Variants in PLA2G4A observed in about 807,000 individuals in gnomAD.
The protein encoded by PLA2G4A is cytosolic phospholipase A2.
PLA2G4A carries 40 observed loss-of-function variants against 81.9 expected under a neutral mutation model. The ratio of observed to expected loss-of-function variants is 0.49; its 90% CI spans 0.38 to 0.64. The LOEUF (loss-of-function observed/expected upper bound fraction) is 0.64. Ranked by LOEUF, PLA2G4A falls within the 30% of genes least tolerant of loss-of-function variation. The pLI is 0.00. For missense variants in PLA2G4A, 715 were observed against 905.1 expected (o/e 0.79, Z 2.69); for synonymous variants, 302 against 296.9 (o/e 1.02, Z -0.18).
chr1:186,968,664 T>G (rs928566499), intron 15 of PLA2G4A, among the ~76,000 whole-genome samples: 1 of 151,984 alleles, frequency 6.6e-6, no homozygotes, highest in Non-Finnish European at 1.5e-5. Context: ...ACTTTTAGAT[T>G]ATTGCTATCT....
At chr1:186,939,821 T>A (rs1012207350) in intron 9 of PLA2G4A, among the ~76,000 whole-genome samples, 159 bp from the exon 10 acceptor site, 1 of 152,190 alleles carries the variant, frequency 6.6e-6, no homozygotes, top group African/African-American at 2.4e-5. Flanking sequence ...TAGAGCTTAT[T>A]TTTTGTTGTT....
chr1:186,973,434 C>T (rs1169438319), intron 15 of PLA2G4A, among the ~76,000 whole-genome samples: 3 of 152,088 alleles, frequency 2.0e-5, no homozygotes, highest in African/African-American at 7.2e-5. Flanking sequence ...ATCTCAAAAT[C>T]CTTAATTAAA....
intron 2 of PLA2G4A, among the ~76,000 whole-genome samples, chr1:186,870,146 T>C (rs986371822): frequency 1.3e-5 from 2 of 152,142 alleles, no homozygotes; most frequent in Non-Finnish European, 2.9e-5. Context: ...CTGATTGTGC[T>C]CCTAGAATAC....
At chr1:186,950,974 A>G (rs1244694518) in intron 13 of PLA2G4A, among the ~76,000 whole-genome samples, 2 of 152,212 alleles carry the variant, frequency 1.3e-5, no homozygotes, top group Admixed American at 1.3e-4. Context: ...AAATGAACAG[A>G]TCCAAGATGG....
chr1:186,830,797 C>G (rs113871527), intron 1 of PLA2G4A, among the ~76,000 whole-genome samples: 1 of 151,768 alleles, frequency 6.6e-6, no homozygotes, highest in Non-Finnish European at 1.5e-5. Context: ...AGAAAGCAGT[C>G]ATAAAATCGA....
chr1:186,912,543 A>G (rs1654985005), intron 7 of PLA2G4A, among the ~76,000 whole-genome samples: 1 of 151,928 alleles, frequency 6.6e-6, no homozygotes, highest in Admixed American at 6.6e-5. Flanking sequence ...CTAATGTAGT[A>G]TAGTTGGAAT....
chr1:186,983,296 G>A (rs561381378), intron 17 of PLA2G4A, among the ~76,000 whole-genome samples: 12 of 152,066 alleles, frequency 7.9e-5, no homozygotes, highest in Non-Finnish European at 1.5e-4. Flanking sequence ...CTTTGTAAAC[G>A]GTGGATGGAC....
At chr1:186,919,276 C>G (rs1243906670) in intron 7 of PLA2G4A, among the ~76,000 whole-genome samples, 1 of 152,178 alleles carries the variant, frequency 6.6e-6, no homozygotes, top group Non-Finnish European at 1.5e-5. Context: ...CCTAGGAATT[C>G]CCCTACTTGC....
intron 2 of PLA2G4A, among the ~76,000 whole-genome samples, chr1:186,862,223 C>CTTTTTTTTTTTT (rs66584780): frequency 0.13 from 16,885 of 126,042 alleles, 2,137 homozygotes; most frequent in Non-Finnish European, 0.19. Context: ...TAGTTATGAA[C>CTTTTTTTTTTTT]TTTTTTTTTG....
chr1:186,832,970 T>G (rs891360158), intron 1 of PLA2G4A, among the ~76,000 whole-genome samples: 1 of 152,204 alleles, frequency 6.6e-6, no homozygotes, highest in African/African-American at 2.4e-5. Context: ...AATTATTTTT[T>G]ATTCTCATAG....
At chr1:186,904,732 A>G (rs1300129748) in intron 5 of PLA2G4A, among the ~76,000 whole-genome samples, 2 of 152,236 alleles carry the variant, frequency 1.3e-5, no homozygotes, top group Non-Finnish European at 2.9e-5. Context: ...TGTCTTAGCC[A>G]AGAAATGTTG....
intron 17 of PLA2G4A, among the ~76,000 whole-genome samples, chr1:186,979,943 CTTTTTTTTTTTT>C (rs34029312): frequency 5.1e-5 from 5 of 98,794 alleles, no homozygotes; most frequent in South Asian, 4.0e-4. Context: ...ACAGCATTTC[CTTTTTTTTTTTT>C]TTTTTTTTTT....
chr1:186,841,688 AG>A (rs1651986254), intron 1 of PLA2G4A, among the ~76,000 whole-genome samples: 1 of 152,152 alleles, frequency 6.6e-6, no homozygotes, highest in South Asian at 2.1e-4. Context: ...GACCACCAAG[AG>A]GTGAAAGAAT....
intron 1 of PLA2G4A, among the ~76,000 whole-genome samples, chr1:186,847,909 T>G (rs4651331): frequency 0.31 from 47,469 of 152,036 alleles, 7,889 homozygotes; most frequent in East Asian, 0.6. Context: ...AGGACACAAG[T>G]AGCAGAATAG....
intron 6 of PLA2G4A, among the ~76,000 whole-genome samples, chr1:186,907,290 G>A (rs1446627136): frequency 2.0e-5 from 3 of 152,112 alleles, no homozygotes; most frequent in African/African-American, 7.2e-5. Context: ...CCTCCCTCTA[G>A]TCGTACATCT....
At chr1:186,871,787 T>A in intron 3 of PLA2G4A, among the ~76,000 whole-genome samples, 1 of 152,126 alleles carries the variant, frequency 6.6e-6, no homozygotes, top group East Asian at 1.9e-4. Flanking sequence ...GTCACACAAC[T>A]GAATTTTCAT....
intron 15 of PLA2G4A, among the ~76,000 whole-genome samples, chr1:186,972,950 C>A (rs1047839584): frequency 6.6e-6 from 1 of 152,170 alleles, no homozygotes; most frequent in African/African-American, 2.4e-5. Context: ...AGAATCTCCA[C>A]ATATTATTCA....
intron 6 of PLA2G4A, among the ~76,000 whole-genome samples, chr1:186,908,935 C>T (rs1654835098): frequency 6.7e-6 from 1 of 148,668 alleles, no homozygotes; most frequent in Non-Finnish European, 1.5e-5. Flanking sequence ...ATAGAGGCAA[C>T]TGTACAGGTA....
chr1:186,830,608 C>CA (rs55745208), intron 1 of PLA2G4A, among the ~76,000 whole-genome samples: 34,270 of 72,274 alleles, frequency 0.47, 8,513 homozygotes, highest in East Asian at 0.69. Context: ...AGCTCTGTCT[C>CA]AAAAAAAAAA....
Sources: allele counts gnomAD v4.1 joint callset (sites outside exome capture counted in the v4.1 genomes callset), GRCh38; gene constraint gnomAD v4.1.1; transcripts MANE v1.5; gene names NCBI Gene and HGNC (gene_info 2026-07-23, HGNC 2026-07-21).